SLC9A9: variants seen among roughly 807,000 people sequenced by gnomAD.
The protein encoded by SLC9A9 is solute carrier family 9 member A9, also known as sodium/hydrogen exchanger 9.
In SLC9A9, 62 loss-of-function variants were observed where a neutral mutation model predicts 77.8. The ratio of observed to expected loss-of-function variants is 0.80; its 90% CI spans 0.65 to 0.98. The LOEUF (loss-of-function observed/expected upper bound fraction) is 0.98. Ranked by LOEUF, SLC9A9 falls within the 50% of genes least tolerant of loss-of-function variation. SLC9A9 has a pLI of 0.00. For synonymous variants in SLC9A9, 320 were observed against 283.5 expected (o/e 1.13, Z -1.29); for missense variants, 775 against 774.9 (o/e 1.00, Z 0.00).
At chr3:143,344,985 C>T (rs1478747084) in intron 14 of SLC9A9, among the ~76,000 whole-genome samples, 2 of 152,084 alleles carry the variant, frequency 1.3e-5, no homozygotes, top group Admixed American at 6.6e-5. Flanking sequence ...AAGATGATTT[C>T]CATAATAACT....
chr3:143,270,803 G>T (rs1039157974), intron 14 of SLC9A9, among the ~76,000 whole-genome samples: 1 of 152,204 alleles, frequency 6.6e-6, no homozygotes. Flanking sequence ...GTTTAGGATT[G>T]TGTAATGAAC....
At chr3:143,270,468 G>C (rs143545073) in intron 14 of SLC9A9, among the ~76,000 whole-genome samples, 72 of 152,232 alleles carry the variant, frequency 4.7e-4, no homozygotes, top group African/African-American at 1.7e-3. Context: ...TCTCGCCCCT[G>C]CTGGGGAGCT....
intron 12 of SLC9A9, among the ~76,000 whole-genome samples, chr3:143,448,228 T>C (rs1410210056): frequency 6.6e-6 from 1 of 152,026 alleles, no homozygotes; most frequent in Non-Finnish European, 1.5e-5. Context: ...CCCTGGGTAA[T>C]AAATGTTGCA....
At chr3:143,662,758 T>C (rs2038999451) in intron 5 of SLC9A9, among the ~76,000 whole-genome samples, 1 of 151,904 alleles carries the variant, frequency 6.6e-6, no homozygotes, top group Non-Finnish European at 1.5e-5. Flanking sequence ...GGGAGGGGTG[T>C]CTGCCATTGC....
intron 14 of SLC9A9, among the ~76,000 whole-genome samples, chr3:143,324,677 G>A (rs952088594): frequency 2.6e-5 from 4 of 151,984 alleles, no homozygotes; most frequent in Admixed American, 6.6e-5. Context: ...AAAAATTTAG[G>A]TGAGTATGGT....
intron 6 of SLC9A9, among the ~76,000 whole-genome samples, chr3:143,625,665 G>C (rs1312186703): frequency 6.6e-6 from 1 of 152,136 alleles, no homozygotes; most frequent in Non-Finnish European, 1.5e-5. Flanking sequence ...AAAAACCCTA[G>C]AAGAAAACCT....
chr3:143,579,331 C>T (rs1394920844), intron 6 of SLC9A9, among the ~76,000 whole-genome samples: 1 of 152,140 alleles, frequency 6.6e-6, no homozygotes, highest in African/African-American at 2.4e-5. Flanking sequence ...AACAGCTGCC[C>T]AAGGTCATCT....
intron 11 of SLC9A9, among the ~76,000 whole-genome samples, chr3:143,488,515 T>G (rs538007159): frequency 1.3e-5 from 2 of 152,036 alleles, no homozygotes; most frequent in South Asian, 4.1e-4. Context: ...ACTAGCAAAT[T>G]GAATTCAGTA....
At chr3:143,433,907 A>G (rs2034573513) in intron 12 of SLC9A9, among the ~76,000 whole-genome samples, 1 of 152,158 alleles carries the variant, frequency 6.6e-6, no homozygotes, top group South Asian at 2.1e-4. Context: ...ATACCTTTGC[A>G]TGCCAGGTTT....
At chr3:143,438,423 C>CAT (rs1553754762) in intron 12 of SLC9A9, among the ~76,000 whole-genome samples, 1 of 151,656 alleles carries the variant, frequency 6.6e-6, no homozygotes, top group African/African-American at 2.4e-5. Context: ...ATCTCCCTGG[C>CAT]GTGTGTGTGT....
chr3:143,314,604 G>A (rs2031138987), intron 14 of SLC9A9, among the ~76,000 whole-genome samples: 1 of 152,242 alleles, frequency 6.6e-6, no homozygotes, highest in South Asian at 2.1e-4. Flanking sequence ...ACTGGCTGAA[G>A]TAAAGAAGTT....
intron 4 of SLC9A9, among the ~76,000 whole-genome samples, chr3:143,753,021 C>G (rs570144315): frequency 1.3e-5 from 2 of 152,304 alleles, no homozygotes; most frequent in East Asian, 3.9e-4. Context: ...CTTAGGTACT[C>G]CATCCCAGAA....
At chr3:143,776,580 T>C (rs2007698819) in intron 4 of SLC9A9, among the ~76,000 whole-genome samples, 1 of 152,170 alleles carries the variant, frequency 6.6e-6, no homozygotes, top group Non-Finnish European at 1.5e-5. Flanking sequence ...CCATTCAAAA[T>C]AAAAGCTATT....
intron 14 of SLC9A9, among the ~76,000 whole-genome samples, chr3:143,279,108 T>C (rs1260608423): frequency 6.6e-6 from 1 of 152,200 alleles, no homozygotes; most frequent in Non-Finnish European, 1.5e-5. Flanking sequence ...CCATCCCAAG[T>C]CAATTTACTA....
intron 6 of SLC9A9, among the ~76,000 whole-genome samples, chr3:143,644,594 C>T (rs1159200289): frequency 1.3e-5 from 2 of 152,122 alleles, no homozygotes; most frequent in African/African-American, 4.8e-5. Context: ...GCACACCGAG[C>T]ACACAACTTA....
At position 143,502,161 on chromosome 3, in the gene SLC9A9, G is replaced by T. The variant is rs139688199; in HGVS notation, c.1090-6713C>A. ...ACTTGACTCAACTTTTTATTTATCC[G>T]GTACAGTAAACATTTATTTTGTTTC... is the stretch of plus-strand genomic sequence containing the variant. On this transcript the variant is annotated intron_variant, in intron 9 of 15. Coordinates refer to ENST00000316549, the MANE Select transcript of SLC9A9 (RefSeq NM_173653.4). 1.8e-3 allele frequency among the ~76,000 whole-genome samples: 277 copies of T among 150,894 alleles called. 32 individuals are homozygous for T. Among genetic ancestry groups the T allele is most frequent in the African/African-American group, 6.7e-3 (270 of 40,274 alleles).
intron 14 of SLC9A9, among the ~76,000 whole-genome samples, chr3:143,349,725 G>GTA (rs2032397726): frequency 6.6e-6 from 1 of 152,174 alleles, no homozygotes; most frequent in South Asian, 2.1e-4. Flanking sequence ...GTAGGATGTG[G>GTA]TATATCAATG....
intron 4 of SLC9A9, among the ~76,000 whole-genome samples, chr3:143,732,284 T>C (rs1412060768): frequency 6.6e-6 from 1 of 152,214 alleles, no homozygotes; most frequent in Non-Finnish European, 1.5e-5. Context: ...ACAAATTCCT[T>C]AGTTTAGATT....
intron 9 of SLC9A9, among the ~76,000 whole-genome samples, chr3:143,534,151 A>G (rs950930129): frequency 6.6e-6 from 1 of 152,260 alleles, no homozygotes; most frequent in African/African-American, 2.4e-5. Flanking sequence ...TAGTAATTAT[A>G]TTAATTAAAA....
Sources: gnomAD v4.1 joint callset for allele counts (sites outside exome capture counted in the v4.1 genomes callset) on GRCh38, gnomAD v4.1.1 for gene constraint, MANE v1.5 for transcripts, NCBI Gene and HGNC (gene_info 2026-07-23, HGNC 2026-07-21) for gene names.